The following TMEM94 variants were observed in gnomAD, a reference collection of about 807,000 sequenced individuals.
The protein encoded by TMEM94 is ER Mg2+ ATPase.
Under a neutral mutation model 158.6 loss-of-function variants are expected in TMEM94, and 81 were observed. The observed-to-expected ratio is 0.51, with a 90% CI of 0.43 to 0.61. The LOEUF (loss-of-function observed/expected upper bound fraction) is 0.61. Among genes scored for constraint, TMEM94 ranks in the 20% least tolerant of loss-of-function variants. TMEM94 has a pLI of 0.00. For missense variants in TMEM94, 1,435 were observed against 1,762.0 expected (o/e 0.81, Z 3.32); for synonymous variants, 751 against 730.7 (o/e 1.03, Z -0.45).
In TMEM94 at chr17:75,498,092, G is replaced by A; in HGVS notation, c.3490-83G>A. 5 of 1,566,418 alleles carry A rather than the reference G, an allele frequency of 3.2e-6. No homozygotes were observed. Among genetic ancestry groups the A allele is most frequent in the Middle Eastern group, 1.7e-4 (1 of 5,736 alleles). On this transcript the variant is annotated intron_variant, in intron 27 of 31. Coordinates refer to ENST00000314256, the MANE Select transcript of TMEM94 (RefSeq NM_014738.6). The surrounding 1 kb of genome is among the most constrained non-coding windows in gnomAD (Gnocchi z 6.7). ...CCCCCCAGGCCTGACCATTTACTAAGAGCCCGTTGAATACGTGGAAGAGCT... is the reference window on the plus strand; with the variant it reads ...CCCCCCAGGCCTGACCATTTACTAAAAGCCCGTTGAATACGTGGAAGAGCT...
In TMEM94 at chr17:75,498,349, C is replaced by G; in HGVS notation, c.3638+26C>G. ...GTGGGTCCCAGCCCCAGAGATCCACCCATCGCCTGCCTCGCCTCGAGGCTT... is the reference window on the plus strand; with the variant it reads ...GTGGGTCCCAGCCCCAGAGATCCACGCATCGCCTGCCTCGCCTCGAGGCTT... On this transcript the variant is annotated intron_variant, in intron 28 of 31. Transcript: ENST00000314256. The surrounding 1 kb of genome is among the most constrained non-coding windows in gnomAD (Gnocchi z 6.7). The G allele has an allele frequency of 3.7e-6, 6 of 1,612,698 alleles. No individual in the cohort carries two copies. Among genetic ancestry groups the G allele is most frequent in the Non-Finnish European group, 5.1e-6 (6 of 1,179,804 alleles).
At chr17:75,466,623 C>T (rs541608488) in intron 1 of TMEM94, among the ~76,000 whole-genome samples, 14 of 152,064 alleles carry the variant, frequency 9.2e-5, no homozygotes, top group Non-Finnish European at 2.1e-4. Context: ...TCAAGACCAG[C>T]CTGGCCAACA....
intron 18 of TMEM94, among the ~76,000 whole-genome samples, 165 bp from the exon 19 acceptor site, chr17:75,494,461 TC>T (rs1238411281): frequency 6.6e-6 from 1 of 152,242 alleles, no homozygotes; most frequent in African/African-American, 2.4e-5. Context: ...TGCATACCTT[TC>T]ACTGTCTTTT....
At position 75,492,207 on chromosome 17, in the gene TMEM94, G is replaced by A; in HGVS notation, c.1597-267G>A. ...TGGCCACAGAAGATCCCTCAACTGT[G>A]TCCTCTTTGGTCTGGCCACCCCTCT... is the stretch of plus-strand genomic sequence containing the variant. On this transcript the variant is annotated intron_variant, in intron 14 of 31. Coordinates refer to ENST00000314256, the MANE Select transcript of TMEM94 (RefSeq NM_014738.6). The surrounding 1 kb of genome is among the most constrained non-coding windows in gnomAD (Gnocchi z 4.4). The A allele has an allele frequency of 2.2e-6, 3 of 1,357,212 alleles. No individual in the cohort carries two copies. The highest frequency in any genetic ancestry group is 1.6e-5 in the South Asian group (1 of 62,852). The allele number at this position is 1,357,212 out of a possible 1,614,324, so 84.1% of individuals were successfully genotyped here.
In TMEM94 at chr17:75,491,316, T is replaced by C. The variant is rs1488596047; in HGVS notation, c.1247T>C (p.Val416Ala). Residue 416 changes from valine (V) to alanine (A), a missense_variant, in exon 13 of 32, where the codon GTG (valine) becomes GCG (alanine). Val to Ala is a moderately conservative substitution (Grantham distance 64, BLOSUM62 0). Around this residue, in one of 3 missense-constraint regions of TMEM94, gnomAD observed 1,051 missense variants for 1,254.4 expected, o/e 0.84. Coordinates refer to ENST00000314256, the MANE Select transcript of TMEM94 (RefSeq NM_014738.6). This position sits in a 1 kb window ranked among gnomAD's most constrained non-coding sequence, Gnocchi z 5.1. ...SLGSVTVLCC[V>A]DKQGILSWPN... ...CTTTCCATGCAGGTCCTGTGCTGTG[T>C]GGACAAACAGGGGATCCTGTCATGG... 1.2e-6 allele frequency: 2 copies of C among 1,614,014 alleles called. No homozygotes were observed.
chr17:75,475,195 C>T (rs2050636120), intron 2 of TMEM94, among the ~76,000 whole-genome samples: 1 of 152,180 alleles, frequency 6.6e-6, no homozygotes. Context: ...ACCCCCACTG[C>T]CAACCTTTCC....
rs555421073 is a variant in TMEM94, at chr17:75,495,188, G to A, written c.2729-96G>A. ...TCCCTGCGGGAAACAGTAGTCAGCA[G>A]GAAGGAGTGGACACAGGCAAAAAAT... is the stretch of plus-strand genomic sequence containing the variant. On this transcript the variant is annotated intron_variant, in intron 20 of 31. Coordinates refer to ENST00000314256, the MANE Select transcript of TMEM94 (RefSeq NM_014738.6). The surrounding 1 kb of genome is among the most constrained non-coding windows in gnomAD (Gnocchi z 5.6). The A allele has an allele frequency of 7.2e-7, 1 of 1,398,424 alleles. No individual in the cohort carries two copies. Among genetic ancestry groups the A allele is most frequent in the Non-Finnish European group, 9.8e-7 (1 of 1,024,304 alleles). The allele number at this position is 1,398,424 out of a possible 1,614,324, so 86.6% of individuals were successfully genotyped here.
Position 75,489,871 on chromosome 17 carries a change from GA to G in TMEM94, c.954+210del, listed in dbSNP as rs1275215966. ...CACGGCAGGCAGATCATGAGGTCAA[GA>G]GATCGAGACCATCCTGGCCAATATG... On this transcript the variant is annotated intron_variant, in intron 9 of 31. Coordinates refer to ENST00000314256, the MANE Select transcript of TMEM94 (RefSeq NM_014738.6). This position sits in a 1 kb window ranked among gnomAD's most constrained non-coding sequence, Gnocchi z 5.0. 1.3e-5 allele frequency: 8 copies of G among 603,182 alleles called. No homozygotes were observed. The Admixed American group carries it at 2.0e-4, about 15-fold the overall frequency. The allele number at this position is 603,182 out of a possible 1,614,324, so 37.4% of individuals were successfully genotyped here.
intron 1 of TMEM94, among the ~76,000 whole-genome samples, chr17:75,458,668 C>G (rs951457277): frequency 3.3e-5 from 5 of 150,332 alleles, no homozygotes; most frequent in Admixed American, 1.3e-4. Flanking sequence ...TCACTCTAGC[C>G]TGGGCAACAG....
chr17:75,498,910 A>G lies in TMEM94; in HGVS notation c.3828-2A>G. ...TTCACACGGGGCCGCCACCTCCTGC[A>G]GGCTGCTGGGTCAGGTGGTCCAGAC... On this transcript the variant is annotated splice_acceptor_variant, in intron 30 of 31. Coordinates refer to ENST00000314256, the MANE Select transcript of TMEM94 (RefSeq NM_014738.6). LOFTEE classifies it high-confidence loss of function. This position sits in a 1 kb window ranked among gnomAD's most constrained non-coding sequence, Gnocchi z 6.7. 2 of 1,541,476 alleles carry G rather than the reference A, an allele frequency of 1.3e-6. No individual in the cohort carries two copies. The highest frequency in any genetic ancestry group is 1.7e-6 in the Non-Finnish European group (2 of 1,144,842).
At chr17:75,490,450 C>T (rs900957959) in intron 10 of TMEM94, 100 bp downstream of exon 10, 4 of 1,377,120 alleles carry the variant, frequency 2.9e-6, no homozygotes, top group African/African-American at 1.4e-5. Context: ...ACCTTGGGCT[C>T]GGCATGTTGG....
At chr17:75,497,293 C>T in intron 26 of TMEM94, 95 bp downstream of exon 26, 1 of 926,850 alleles carries the variant, frequency 1.1e-6, no homozygotes, top group Non-Finnish European at 1.7e-6. Flanking sequence ...TCTGGAACTG[C>T]TCAGGTCTCA....
chr17:75,496,060 C>G lies in TMEM94; in HGVS notation c.3039C>G (p.Leu1013=). The G allele has an allele frequency of 2.5e-6, 4 of 1,611,774 alleles. No individual in the cohort carries two copies. Among genetic ancestry groups the G allele is most frequent in the Non-Finnish European group, 3.4e-6 (4 of 1,179,290 alleles). ...SANLRNSCLF[L]QSDISIALDP... ...ACCTGCGGAACAGCTGCCTCTTCCTCCAGAGCGACATCAGGTCAGGGCGGG... is the reference window on the plus strand; with the variant it reads ...ACCTGCGGAACAGCTGCCTCTTCCTGCAGAGCGACATCAGGTCAGGGCGGG... Residue 1013 remains leucine, a synonymous_variant, in exon 23 of 32, where the codon CTC becomes CTG. Transcript: ENST00000314256.
In TMEM94 at chr17:75,497,030, C is replaced by G. The variant is rs1489235472; in HGVS notation, c.3322-83C>G. The G allele has an allele frequency of 1.4e-5, 18 of 1,265,214 alleles. No homozygotes were observed. In the East Asian group the frequency reaches 4.2e-4, roughly 29 times the overall value. 78.4% of individuals were successfully genotyped at this position (1,265,214 alleles called of 1,614,324 possible). On this transcript the variant is annotated intron_variant, in intron 25 of 31. Transcript: ENST00000314256. The stretch of plus-strand genomic sequence containing the variant: ...CAGGATGTGAGCATCTATCTGGGCC[C>G]AGGGCAAGGGAGCTCGGGGGCTCCT...
In TMEM94 at chr17:75,492,897, A is replaced by G. The variant is rs780592083; in HGVS notation, c.1913-32A>G. ...GGACCTGGCAGGGTATTGCCAGGGC[A>G]TGGCCCTAAGTTCCTGTTCCCCGCC... On this transcript the variant is annotated intron_variant, in intron 15 of 31. Transcript: ENST00000314256. This position sits in a 1 kb window ranked among gnomAD's most constrained non-coding sequence, Gnocchi z 4.4. The G allele has an allele frequency of 1.3e-6, 2 of 1,597,558 alleles. No individual in the cohort carries two copies. The highest frequency in any genetic ancestry group is 1.7e-6 in the Non-Finnish European group (2 of 1,169,674).
At chr17:75,462,011 G>GTTTTTTTTTTTTT (rs1156728166) in intron 1 of TMEM94, among the ~76,000 whole-genome samples, 2 of 92,886 alleles carry the variant, frequency 2.2e-5, no homozygotes, top group Admixed American at 1.3e-4. Context: ...GTTTTGTTTT[G>GTTTTTTTTTTTTT]TTTTTTTTTT....
rs374172462 is a variant in TMEM94 at position 75,492,919 on chromosome 17, C to T, written c.1913-10C>T. ...GGCATGGCCCTAAGTTCCTGTTCCC[C>T]GCCCTGCAGGCTTCACTCCTGGGGC... is the stretch of plus-strand genomic sequence containing the variant. On this transcript the variant is annotated splice_polypyrimidine_tract_variant and intron_variant, in intron 15 of 31. Coordinates refer to ENST00000314256, the MANE Select transcript of TMEM94 (RefSeq NM_014738.6). The surrounding 1 kb of genome is among the most constrained non-coding windows in gnomAD (Gnocchi z 4.4). The T allele has an allele frequency of 5.3e-5, 85 of 1,607,790 alleles. No homozygotes were observed. Among genetic ancestry groups the T allele is most frequent in the African/African-American group, 3.7e-4 (28 of 74,788 alleles).
At position 75,491,876 on chromosome 17, in the gene TMEM94, G is replaced by C. The variant is rs199659577; in HGVS notation, c.1572G>C (p.Glu524Asp). 1 of 1,613,436 alleles carries C rather than the reference G, an allele frequency of 6.2e-7. No homozygotes were observed. Among genetic ancestry groups the C allele is most frequent in the Non-Finnish European group, 8.5e-7 (1 of 1,179,796 alleles). Residue 524 changes from glutamate (E) to aspartate (D), a missense_variant, in exon 14 of 32, where the codon GAG (glutamate) becomes GAC (aspartate). Coordinates refer to ENST00000314256, the MANE Select transcript of TMEM94 (RefSeq NM_014738.6). The surrounding 1 kb of genome is among the most constrained non-coding windows in gnomAD (Gnocchi z 5.1). ...ACGTGAGCTTCAGCAGGGACACCGA[G>C]GGTGGTGAAGAAGAGCCCAGCAAGG... is the stretch of plus-strand genomic sequence containing the variant. Reference protein sequence around the residue: ...GSNVSFSRDTEGGEEEPSKTQ... With the variant: ...GSNVSFSRDTDGGEEEPSKTQ...
At chr17:75,499,113 G>T in intron 31 of TMEM94, 31 bp downstream of exon 31, 1 of 1,574,588 alleles carries the variant, frequency 6.4e-7, no homozygotes. Flanking sequence ...CTCCCTCTGG[G>T]CTCAGGCATG....
Sources: allele counts gnomAD v4.1 joint callset (sites outside exome capture counted in the v4.1 genomes callset), GRCh38; gene constraint gnomAD v4.1.1; regional missense constraint gnomAD v4.1.1; non-coding constraint Gnocchi (gnomAD v3.1); transcripts MANE v1.5; gene names NCBI Gene and HGNC (gene_info 2026-07-23, HGNC 2026-07-21).